CBR3: variants seen among roughly 807,000 people sequenced by gnomAD.
The protein encoded by CBR3 is carbonyl reductase 3.
A neutral mutation model predicts 11.6 loss-of-function variants in CBR3; 14 were observed. The observed-to-expected ratio is 1.20, with a 90% confidence interval of 0.79 to 1.88. The LOEUF is 1.88. Among genes scored for constraint, CBR3 ranks in the 40% most tolerant of loss-of-function variants. CBR3 has a pLI of 0.00. For missense variants in CBR3, 308 were observed against 357.3 expected (o/e 0.86, Z 1.11); for synonymous variants, 125 against 145.6 (o/e 0.86, Z 1.02).
At chr21:36,135,696 G>A (rs2065654149) in intron 1 of CBR3, 5 of 523,900 alleles carry the variant, frequency 9.5e-6, no homozygotes, top group Non-Finnish European at 1.6e-5. Flanking sequence ...CGCCCCGCCC[G>A]CCGGCCTGTG....
At chr21:36,138,129 TTTA>T (rs2065677242) in intron 2 of CBR3, among the ~76,000 whole-genome samples, 197 bp downstream of exon 2, 2 of 151,844 alleles carry the variant, frequency 1.3e-5, no homozygotes, top group African/African-American at 4.8e-5. Context: ...TTTAGTTTAG[TTTA>T]GTTTTGTTTT....
rs377708358 is a variant in CBR3 at position 36,143,348 on chromosome 21, G to C, written c.398-2728G>C. ...ATTGGACACAGAGAATATGCATTCA[G>C]AATAATACATAATAAAAGAACTCAC... On this transcript the variant is annotated intron_variant, in intron 2 of 2. Coordinates refer to ENST00000290354, the MANE Select transcript of CBR3 (RefSeq NM_001236.4). Among the ~76,000 whole-genome samples the C allele has an allele frequency of 3.3e-5, 5 of 151,850 alleles. No homozygotes were observed. The East Asian group carries it at 7.7e-4, about 23-fold the overall frequency.
chr21:36,137,880 T>G lies in CBR3; in HGVS notation c.345T>G (p.Phe115Leu). The G allele has an allele frequency of 6.2e-7, 1 of 1,612,506 alleles. No individual in the cohort carries two copies. The highest frequency in any genetic ancestry group is 8.5e-7 in the Non-Finnish European group (1 of 1,178,748). The change falls in exon 2 of 3, where the codon TTT becomes TTG. Residue 115 changes from phenylalanine (F) to leucine (L), a missense_variant. By Grantham distance (22) the Phe-to-Leu change is conservative (BLOSUM62 0). Coordinates refer to ENST00000290354, the MANE Select transcript of CBR3 (RefSeq NM_001236.4). ...CTGAGATGACACTGAAGACAAATTT[T>G]TTTGCCACTAGAAACATGTGCAACG... is the stretch of plus-strand genomic sequence containing the variant. ...IKAEMTLKTNFFATRNMCNEL... is the reference protein window; with the variant it reads ...IKAEMTLKTNLFATRNMCNEL...
chr21:36,135,495 T>C lies in CBR3; in HGVS notation c.289+14T>C. 2 of 1,596,020 alleles carry C rather than the reference T, an allele frequency of 1.3e-6. No individual in the cohort carries two copies. The highest frequency in any genetic ancestry group is 8.5e-7 in the Non-Finnish European group (1 of 1,169,714). Reference sequence around the variant, plus strand: ...TCGCCTTCAAGAGTAGGTGCAGGGCTTGGGTTGGGGCCCCCTGGAGCGCTC... The same window carrying C: ...TCGCCTTCAAGAGTAGGTGCAGGGCCTGGGTTGGGGCCCCCTGGAGCGCTC... On this transcript the variant is annotated intron_variant, in intron 1 of 2. Transcript: ENST00000290354.
At chr21:36,137,156 G>A (rs2065666283) in intron 1 of CBR3, 1 of 151,970 alleles carries the variant, frequency 6.6e-6, no homozygotes, top group South Asian at 2.1e-4. Context: ...GAGACCAGTA[G>A]CTGTCACATC....
chr21:36,143,679 C>T lies in CBR3; in HGVS notation c.398-2397C>T, dbSNP rs45578331. 6.4e-3 allele frequency among the ~76,000 whole-genome samples: 963 copies of T among 151,340 alleles called. 6 individuals carry two copies. Among genetic ancestry groups the T allele is most frequent in the African/African-American group, 0.022 (897 of 41,240 alleles). ...CAGATCTCCTGAGCTCAGGAGTTTGCGACCAGCCCGGCCAACATGGAGAAA... is the reference window on the plus strand; with the variant it reads ...CAGATCTCCTGAGCTCAGGAGTTTGTGACCAGCCCGGCCAACATGGAGAAA... On this transcript the variant is annotated intron_variant, in intron 2 of 2. Coordinates refer to ENST00000290354, the MANE Select transcript of CBR3 (RefSeq NM_001236.4).
chr21:36,139,671 T>C (rs2065693596), intron 2 of CBR3, among the ~76,000 whole-genome samples: 1 of 151,956 alleles, frequency 6.6e-6, no homozygotes. Flanking sequence ...TGTGAGCTAC[T>C]GCACCTGGCC....
At chr21:36,135,822 A>C (rs559765902) in intron 1 of CBR3, among the ~76,000 whole-genome samples, 44 of 152,310 alleles carry the variant, frequency 2.9e-4, no homozygotes, top group Middle Eastern at 3.4e-3. Context: ...TTTCCTTCCA[A>C]CGCGAGAAAC....
chr21:36,139,975 C>A (rs1244265670), intron 2 of CBR3, among the ~76,000 whole-genome samples: 1 of 151,154 alleles, frequency 6.6e-6, no homozygotes, highest in African/African-American at 2.4e-5. Flanking sequence ...GCAACCTCCG[C>A]CTCTCAGGTA....
chr21:36,137,738 A>T, intron 1 of CBR3, 87 bp from the exon 2 acceptor site: 2 of 744,202 alleles, frequency 2.7e-6, no homozygotes, highest in Non-Finnish European at 2.4e-6. Flanking sequence ...TTTTTCCTTT[A>T]GTTGTTAGGA....
In CBR3 at chr21:36,135,175, C is replaced by A. The variant is rs1322774717; in HGVS notation, c.-18C>A. On this transcript the variant is annotated 5_prime_UTR_variant, in exon 1 of 3. Transcript: ENST00000290354. ...CGGTCCGCCCTCCACGCAGGTGCCC[C>A]GCGCTCCCCGCTCAGCCATGTCGTC... 7.0e-7 allele frequency: 1 copy of A among 1,434,370 alleles called. No individual in the cohort carries two copies. The highest frequency in any genetic ancestry group is 9.1e-7 in the Non-Finnish European group (1 of 1,096,956). The allele number at this position is 1,434,370 out of a possible 1,614,324, so 88.9% of individuals were successfully genotyped here.
chr21:36,144,564 T>C (rs1485528749), intron 2 of CBR3, among the ~76,000 whole-genome samples: 2 of 88,356 alleles, frequency 2.3e-5, no homozygotes, highest in Admixed American at 1.2e-4. Context: ...GAGGCGGAGG[T>C]TGCAGTGAGC....
chr21:36,146,413 G>C lies in CBR3; in HGVS notation c.735G>C (p.Glu245Asp), dbSNP rs1601357531. The change falls in exon 3 of 3, where the codon GAG (glutamate) becomes GAC (aspartate). Residue 245 changes from glutamate to aspartate, a missense_variant. By Grantham distance (45) the Glu-to-Asp change is conservative. Transcript: ENST00000290354. ...GGAAAGACAGCATCAGGACTGTGGA[G>C]GAGGGGGCTGAGACCCCTGTCTACT... is the stretch of plus-strand genomic sequence containing the variant. ...MDGKDSIRTV[E>D]EGAETPVYLA... 6.2e-7 allele frequency: 1 copy of C among 1,614,210 alleles called. No homozygotes were observed. Among genetic ancestry groups the C allele is most frequent in the South Asian group, 1.1e-5 (1 of 91,078 alleles).
In CBR3 at chr21:36,146,140, G is replaced by GC. The variant is rs750094499; in HGVS notation, c.463dup (p.Gln155ProfsTer7). The stretch of plus-strand genomic sequence containing the variant: ...CTTTTGAAAACTGCAGTGAAGATCT[G>GC]CAGGAAAGGTTCCACAGTGAGACAC... On this transcript the variant is annotated frameshift_variant, in exon 3 of 3. Coordinates refer to ENST00000290354, the MANE Select transcript of CBR3 (RefSeq NM_001236.4). LOFTEE classifies it low-confidence loss of function (END_TRUNC). The GC allele has an allele frequency of 1.2e-6, 2 of 1,613,924 alleles. No individual in the cohort carries two copies. The highest frequency in any genetic ancestry group is 1.7e-6 in the Non-Finnish European group (2 of 1,179,914).
Position 36,146,312 on chromosome 21 carries a change from C to A in CBR3, c.634C>A (p.Leu212Met), listed in dbSNP as rs1320405026. ...CTTATCGAGGATCCTGGCCAGGCGT[C>A]TGGATGAGAAGAGGAAAGCTGACAG... ...TVLSRILARR[L>M]DEKRKADRIL... The change falls in exon 3 of 3, where the codon CTG becomes ATG. Residue 212 changes from leucine to methionine, a missense_variant. Coordinates refer to ENST00000290354, the MANE Select transcript of CBR3 (RefSeq NM_001236.4). 1.2e-6 allele frequency: 2 copies of A among 1,614,054 alleles called. No individual in the cohort carries two copies. The highest frequency in any genetic ancestry group is 2.7e-5 in the African/African-American group (2 of 74,906).
chr21:36,140,675 A>G (rs965497764), intron 2 of CBR3, among the ~76,000 whole-genome samples: 2 of 152,234 alleles, frequency 1.3e-5, no homozygotes, highest in African/African-American at 4.8e-5. Flanking sequence ...CAAGTACAAG[A>G]GTACAAGTGC....
chr21:36,135,241 A>G lies in CBR3; in HGVS notation c.49A>G (p.Ile17Val). Residue 17 changes from isoleucine (I) to valine (V), a missense_variant, in exon 1 of 3, where the codon ATC becomes GTC. Transcript: ENST00000290354. ...GCTGGTGACCGGGGCCAACAGGGGC[A>G]TCGGCTTGGCCATCGCGCGCGAACT... ...VALVTGANRG[I>V]GLAIARELCR... 1 of 1,567,172 alleles carries G rather than the reference A, an allele frequency of 6.4e-7. No individual in the cohort carries two copies. The highest frequency in any genetic ancestry group is 1.4e-5 in the African/African-American group (1 of 73,300).
intron 1 of CBR3, among the ~76,000 whole-genome samples, chr21:36,136,284 G>A (rs2065659304): frequency 6.7e-6 from 1 of 148,544 alleles, no homozygotes; most frequent in Non-Finnish European, 1.5e-5. Context: ...ACTCCAGACT[G>A]GGAGACAGAG....
At chr21:36,142,115 A>G (rs975192113) in intron 2 of CBR3, 1 of 158,464 alleles carries the variant, frequency 6.3e-6, no homozygotes, top group Non-Finnish European at 1.4e-5. Flanking sequence ...ACATTAAAAT[A>G]TATGAAAGAG....
Sources: gnomAD v4.1 joint callset for allele counts (sites outside exome capture counted in the v4.1 genomes callset) on GRCh38, gnomAD v4.1.1 for gene constraint, MANE v1.5 for transcripts, NCBI Gene and HGNC (gene_info 2026-07-23, HGNC 2026-07-21) for gene names.